The following XKR6 variants were observed in gnomAD, a reference collection of about 807,000 sequenced individuals.
XKR6 encodes the protein XK related 6.
In XKR6, 22 loss-of-function variants were observed where a neutral mutation model predicts 56.7. That is an observed-to-expected ratio of 0.39 (90% CI 0.28 to 0.55). The LOEUF is 0.55. Ranked by LOEUF, XKR6 falls within the 20% of genes least tolerant of loss-of-function variation. The pLI is 0.66. For missense variants in XKR6, 852 were observed against 889.0 expected, an observed-to-expected ratio of 0.96 and a Z score of 0.53; for synonymous variants, 524 against 387.8, an observed-to-expected ratio of 1.35 and a Z score of -4.13.
At chr8:11,103,216 A>G (rs1439110411) in intron 1 of XKR6, among the ~76,000 whole-genome samples, 3 of 152,338 alleles carry the variant, frequency 2.0e-5, no homozygotes, top group South Asian at 2.1e-4. Context: ...AGAAACTACA[A>G]TTTGTTACAG....
Position 11,201,365 on chromosome 8 carries a change from G to A in XKR6, c.-26C>T, listed in dbSNP as rs1290615148. 5 of 1,458,710 alleles carry A rather than the reference G, an allele frequency of 3.4e-6. No individual in the cohort carries two copies. In the African/African-American group the frequency reaches 4.6e-5, roughly 13 times the overall value. 90.4% of individuals were successfully genotyped at this position (1,458,710 alleles called of 1,614,324 possible). ...CTTGACTCTCTTCCCAGCTCCGGAG[G>A]TTGGGGGGGAGGGACGGCGGGGGGG... is the stretch of plus-strand genomic sequence containing the variant. On this transcript the variant is annotated 5_prime_UTR_variant, in exon 1 of 3. Coordinates refer to ENST00000416569, the MANE Select transcript of XKR6 (RefSeq NM_173683.4).
In XKR6 at chr8:11,200,896, C is replaced by T; in HGVS notation, c.444G>A (p.Trp148Ter). The change falls in exon 1 of 3, where the codon TGG becomes TGA. Residue 148 changes from tryptophan to a stop codon, truncating the protein, a stop_gained. Coordinates refer to ENST00000416569, the MANE Select transcript of XKR6 (RefSeq NM_173683.4). LOFTEE classifies it high-confidence loss of function. The surrounding 1 kb of genome is among the most constrained non-coding windows in gnomAD (Gnocchi z 6.4). ...CCTTGCGGTAGTAGTCGAGGGCCAG[C>T]CACAGGTCGGTGCCCACGTCCCCGA... ...VFFGDVGTDL[W>*]LALDYYRKGD... 1 of 1,610,734 alleles carries T rather than the reference C, an allele frequency of 6.2e-7. No homozygotes were observed. Among genetic ancestry groups the T allele is most frequent in the Non-Finnish European group, 8.5e-7 (1 of 1,179,318 alleles).
At chr8:11,018,787 A>G (rs1315011586) in intron 1 of XKR6, among the ~76,000 whole-genome samples, 3 of 152,108 alleles carry the variant, frequency 2.0e-5, no homozygotes, top group African/African-American at 2.4e-5. Flanking sequence ...TTGCCAAAAA[A>G]GAAGACCCAA....
intron 1 of XKR6, among the ~76,000 whole-genome samples, chr8:11,033,171 G>C (rs1022200684): frequency 4.5e-4 from 68 of 152,032 alleles, no homozygotes; most frequent in Admixed American, 1.3e-3. Context: ...TGATGATGAT[G>C]GTAATGGTGG....
Position 10,916,777 on chromosome 8 carries a change from A to T in XKR6, c.961+7857T>A, listed in dbSNP as rs1378394214. On this transcript the variant is annotated intron_variant, in intron 2 of 2. Transcript: ENST00000416569. ...AGAAAGGCACAGACATTTCTGCTTA[A>T]TGGGAGCAGAGAAAACCGAATTGTC... Among the ~76,000 whole-genome samples, 3 of 152,248 alleles carry T rather than the reference A, an allele frequency of 2.0e-5. No individual in the cohort carries two copies. In the East Asian group the frequency reaches 5.8e-4, roughly 29 times the overall value.
At chr8:10,965,758 A>C (rs183482260) in intron 1 of XKR6, among the ~76,000 whole-genome samples, 1 of 152,210 alleles carries the variant, frequency 6.6e-6, no homozygotes, top group East Asian at 1.9e-4. Context: ...CTTACTCCGC[A>C]CAAAATACGA....
intron 1 of XKR6, among the ~76,000 whole-genome samples, chr8:11,113,122 T>C (rs759337316): frequency 3.9e-5 from 6 of 152,210 alleles, no homozygotes; most frequent in Non-Finnish European, 8.8e-5. Context: ...GACTGCACAA[T>C]TTAGGCTAAA....
intron 1 of XKR6, among the ~76,000 whole-genome samples, chr8:11,057,975 G>C (rs535962673): frequency 6.6e-6 from 1 of 152,334 alleles, no homozygotes; most frequent in South Asian, 2.1e-4. Flanking sequence ...CATTGTGTCT[G>C]TGTCTTGTCA....
chr8:11,053,402 T>A (rs1336514603), intron 1 of XKR6, among the ~76,000 whole-genome samples: 2 of 152,160 alleles, frequency 1.3e-5, no homozygotes, highest in Non-Finnish European at 2.9e-5. Context: ...ACAGCAGAGA[T>A]CAATCCCAGG....
intron 1 of XKR6, among the ~76,000 whole-genome samples, chr8:11,177,218 C>G (rs188817530): frequency 6.6e-6 from 1 of 152,206 alleles, no homozygotes; most frequent in African/African-American, 2.4e-5. Context: ...CCTCCCACAG[C>G]TACAAAGACT....
intron 1 of XKR6, among the ~76,000 whole-genome samples, chr8:10,978,619 G>T (rs1351172994): frequency 6.6e-6 from 1 of 152,190 alleles, no homozygotes; most frequent in Non-Finnish European, 1.5e-5. Flanking sequence ...GCCAGATGCA[G>T]ATCATTCTCT....
chr8:10,923,185 T>A (rs1800773179), intron 2 of XKR6, among the ~76,000 whole-genome samples: 1 of 152,238 alleles, frequency 6.6e-6, no homozygotes. Flanking sequence ...TGAAGCCTTG[T>A]CAAAGGGCGG....
chr8:11,077,872 G>A (rs541327081), intron 1 of XKR6, among the ~76,000 whole-genome samples: 10 of 152,284 alleles, frequency 6.6e-5, no homozygotes, highest in South Asian at 2.1e-4. Context: ...TCAGACCGGG[G>A]ACCCAGGGGA....
chr8:10,991,214 G>GC (rs1554520340), intron 1 of XKR6, among the ~76,000 whole-genome samples: 3 of 152,002 alleles, frequency 2.0e-5, no homozygotes, highest in Admixed American at 2.0e-4. Context: ...ATGTCTTACT[G>GC]TTTTTTTCAC....
chr8:11,033,125 T>C (rs1799033696), intron 1 of XKR6, among the ~76,000 whole-genome samples: 1 of 150,080 alleles, frequency 6.7e-6, no homozygotes, highest in African/African-American at 2.5e-5. Context: ...ATTATCACGA[T>C]GGTAATGATG....
intron 1 of XKR6, among the ~76,000 whole-genome samples, chr8:11,115,868 T>C (rs1438454732): frequency 6.6e-6 from 1 of 152,246 alleles, no homozygotes; most frequent in South Asian, 2.1e-4. Context: ...GCTTATCTTC[T>C]ATAATTTTTC....
At chr8:11,082,949 G>A (rs762090567) in intron 1 of XKR6, among the ~76,000 whole-genome samples, 73 of 152,264 alleles carry the variant, frequency 4.8e-4, no homozygotes, top group African/African-American at 1.3e-3. Context: ...TAGCTGCTGC[G>A]GCCAGGTAGC....
chr8:10,910,236 G>A (rs141068527), intron 2 of XKR6, among the ~76,000 whole-genome samples: 33 of 152,090 alleles, frequency 2.2e-4, no homozygotes, highest in African/African-American at 7.7e-4. Context: ...AAATATAATC[G>A]CGCTGAGGTT....
In XKR6 at chr8:11,104,007, C is replaced by CAT. The variant is rs1420522296; in HGVS notation, c.764+96568_764+96569insAT. 1.4e-3 allele frequency among the ~76,000 whole-genome samples: 218 copies of CAT among 152,272 alleles called. 1 individual carries two copies. In the South Asian group the frequency reaches 0.016, roughly 11 times the overall value. Reference sequence around the variant, plus strand: ...ACTGCAAATGAAGTCCAAAATATCCCTCGTACCAATTTCATTTTATTCAGT... The same window carrying CAT: ...ACTGCAAATGAAGTCCAAAATATCCCATTCGTACCAATTTCATTTTATTCAGT... On this transcript the variant is annotated intron_variant, in intron 1 of 2. Coordinates refer to ENST00000416569, the MANE Select transcript of XKR6 (RefSeq NM_173683.4).
Sources: gnomAD v4.1 joint callset for allele counts (sites outside exome capture counted in the v4.1 genomes callset) on GRCh38, gnomAD v4.1.1 for gene constraint, Gnocchi (gnomAD v3.1) non-coding constraint, MANE v1.5 for transcripts, NCBI Gene and HGNC (gene_info 2026-07-23, HGNC 2026-07-21) for gene names.